The following GRIN2B variants were observed in gnomAD, a reference collection of about 807,000 sequenced individuals.
The protein encoded by GRIN2B is glutamate receptor ionotropic, NMDA 2B.
In GRIN2B, 5 loss-of-function variants were observed where a neutral mutation model predicts 114.5. The ratio of observed to expected loss-of-function variants is 0.04; its 90% confidence interval spans 0.02 to 0.09. The LOEUF is 0.09. Among genes scored for constraint, GRIN2B ranks in the 10% least tolerant of loss-of-function variants. GRIN2B has a pLI of 1.00. For missense variants in GRIN2B, 1,108 were observed against 1,943.5 expected (o/e 0.57, Z 8.08); for synonymous variants, 787 against 745.1 (o/e 1.06, Z -0.92).
At chr12:13,964,664 A>AT (rs1343844557) in intron 2 of GRIN2B, among the ~76,000 whole-genome samples, 1 of 152,168 alleles carries the variant, frequency 6.6e-6, no homozygotes, top group African/African-American at 2.4e-5. Context: ...ACAAAAGTAG[A>AT]TTTTTCAGGG....
At chr12:13,576,398 A>G (rs1039241373) in intron 10 of GRIN2B, among the ~76,000 whole-genome samples, 3 of 152,236 alleles carry the variant, frequency 2.0e-5, no homozygotes, top group African/African-American at 7.2e-5. Context: ...GAATGTCTTA[A>G]CATTAATAGA....
intron 2 of GRIN2B, among the ~76,000 whole-genome samples, chr12:13,912,540 C>T (rs1866642542): frequency 6.6e-6 from 1 of 152,194 alleles, no homozygotes; most frequent in Non-Finnish European, 1.5e-5. Flanking sequence ...ACTTGAGCCT[C>T]CTGCTCGGAG....
intron 10 of GRIN2B, among the ~76,000 whole-genome samples, chr12:13,576,534 A>G (rs1429633162): frequency 6.6e-6 from 1 of 150,432 alleles, no homozygotes; most frequent in Non-Finnish European, 1.5e-5. Context: ...AGTACTCTTT[A>G]TTTTCTTTTT....
chr12:13,801,686 CA>C (rs1480667282), intron 3 of GRIN2B, among the ~76,000 whole-genome samples: 1 of 152,146 alleles, frequency 6.6e-6, no homozygotes, highest in Non-Finnish European at 1.5e-5. Context: ...AGGTGTCACT[CA>C]GGAAAAATCT....
chr12:13,602,157 T>A (rs1949169948), intron 10 of GRIN2B, among the ~76,000 whole-genome samples: 1 of 152,188 alleles, frequency 6.6e-6, no homozygotes, highest in African/African-American at 2.4e-5. Flanking sequence ...CTCATGTGCA[T>A]TCTGTACCTC....
intron 3 of GRIN2B, among the ~76,000 whole-genome samples, chr12:13,808,304 G>T (rs1371023427): frequency 6.6e-6 from 1 of 152,054 alleles, no homozygotes; most frequent in East Asian, 1.9e-4. Context: ...AGTTAAGTAG[G>T]ACCTGATCCC....
chr12:13,952,965 G>A (rs1203632784), intron 2 of GRIN2B, among the ~76,000 whole-genome samples: 1 of 151,380 alleles, frequency 6.6e-6, no homozygotes, highest in Non-Finnish European at 1.5e-5. Context: ...CTGAGGGTTA[G>A]GAGTTTGGGT....
intron 2 of GRIN2B, among the ~76,000 whole-genome samples, chr12:13,911,833 T>G (rs1228550325): frequency 6.6e-6 from 1 of 152,130 alleles, no homozygotes; most frequent in East Asian, 1.9e-4. Context: ...CCTTCTCTGT[T>G]TTTTTCCAAC....
chr12:13,786,955 G>T (rs1341142939), intron 3 of GRIN2B, among the ~76,000 whole-genome samples: 1 of 150,570 alleles, frequency 6.6e-6, no homozygotes, highest in Admixed American at 6.6e-5. Flanking sequence ...AGGCTTCAAA[G>T]GAGAAAAAAA....
intron 2 of GRIN2B, among the ~76,000 whole-genome samples, chr12:13,894,532 A>C (rs1464462619): frequency 1.3e-5 from 2 of 152,182 alleles, no homozygotes; most frequent in Non-Finnish European, 2.9e-5. Context: ...TGCTGGAAGG[A>C]AATAACAGAA....
chr12:13,628,450 T>A (rs958944782), intron 5 of GRIN2B, among the ~76,000 whole-genome samples: 1 of 152,236 alleles, frequency 6.6e-6, no homozygotes, highest in African/African-American at 2.4e-5. Flanking sequence ...GTTTTCAATA[T>A]GTTTAAAGAA....
In GRIN2B at chr12:13,675,959, A is replaced by T. The variant is rs553406640; in HGVS notation, c.1011-100T>A. 9 of 729,912 alleles carry T rather than the reference A, an allele frequency of 1.2e-5. No individual in the cohort carries two copies. The Admixed American group carries it at 1.4e-4, about 11-fold the overall frequency. The allele number at this position is 729,912 out of a possible 1,614,324, so 45.2% of individuals were successfully genotyped here. On this transcript the variant is annotated intron_variant, in intron 4 of 13. Transcript: ENST00000609686. ...AGAGAAAGCTGGCTGGAGACAGACA[A>T]GTAAATAGAAATACAGATACCATTA...
At chr12:13,889,376 C>A (rs539703280) in intron 2 of GRIN2B, among the ~76,000 whole-genome samples, 20 of 152,248 alleles carry the variant, frequency 1.3e-4, no homozygotes, top group Non-Finnish European at 2.4e-4. Context: ...ACTGATTAAG[C>A]TTGAGATAGG....
chr12:13,779,148 C>T (rs1591725808), intron 3 of GRIN2B, among the ~76,000 whole-genome samples: 1 of 152,100 alleles, frequency 6.6e-6, no homozygotes, highest in Non-Finnish European at 1.5e-5. Flanking sequence ...GCTTCAAGTG[C>T]TTCTCCTGCC....
At chr12:13,772,032 G>T (rs961055462) in intron 3 of GRIN2B, among the ~76,000 whole-genome samples, 1 of 152,190 alleles carries the variant, frequency 6.6e-6, no homozygotes, top group African/African-American at 2.4e-5. Flanking sequence ...TATGATTCCT[G>T]GCCCAAGAGA....
chr12:13,762,974 C>T (rs2136638488), intron 3 of GRIN2B, among the ~76,000 whole-genome samples: 1 of 152,082 alleles, frequency 6.6e-6, no homozygotes, highest in South Asian at 2.1e-4. Flanking sequence ...TCACTACTTC[C>T]TCACATATAG....
chr12:13,919,700 ACC>A (rs2136810254), intron 2 of GRIN2B, among the ~76,000 whole-genome samples: 1 of 152,282 alleles, frequency 6.6e-6, no homozygotes, highest in African/African-American at 2.4e-5. Context: ...ATCCAAATGA[ACC>A]CTATAAAGCT....
intron 3 of GRIN2B, among the ~76,000 whole-genome samples, chr12:13,804,589 G>A (rs220576): frequency 0.97 from 148,296 of 152,148 alleles, 72,383 homozygotes; most frequent in Middle Eastern, 1. Flanking sequence ...AAGGGAACCT[G>A]TAGAATTCAA....
At chr12:13,816,670 C>T (rs989851587) in intron 3 of GRIN2B, among the ~76,000 whole-genome samples, 10 of 152,124 alleles carry the variant, frequency 6.6e-5, no homozygotes, top group South Asian at 2.1e-4. Context: ...CACCCACCTC[C>T]GTATCACATG....
Sources: allele counts gnomAD v4.1 joint callset (sites outside exome capture counted in the v4.1 genomes callset), GRCh38; gene constraint gnomAD v4.1.1; transcripts MANE v1.5; gene names NCBI Gene and HGNC (gene_info 2026-07-23, HGNC 2026-07-21).